The following SLC22A7 variants were observed in gnomAD, a reference collection of about 807,000 sequenced individuals.
SLC22A7 encodes the protein hOAT2.
In SLC22A7, 48 loss-of-function variants were observed where a neutral mutation model predicts 62.2. The ratio of observed to expected loss-of-function variants is 0.77; its 90% CI spans 0.61 to 0.98. The LOEUF (loss-of-function observed/expected upper bound fraction) is 0.98. Among genes scored for constraint, SLC22A7 ranks in the 50% least tolerant of loss-of-function variants. The pLI, the probability that SLC22A7 is intolerant of heterozygous loss-of-function variation, is 0.00. For missense variants in SLC22A7, 581 were observed against 703.8 expected (o/e 0.83, Z 1.97); for synonymous variants, 276 against 314.8 (o/e 0.88, Z 1.30).
intron 7 of SLC22A7, among the ~76,000 whole-genome samples, chr6:43,301,902 C>T (rs990205978): frequency 6.6e-6 from 1 of 152,162 alleles, no homozygotes; most frequent in Non-Finnish European, 1.5e-5. Context: ...ACTCCCACTT[C>T]CTTACTTGGA....
chr6:43,301,561 A>G, intron 6 of SLC22A7, 22 bp from the exon 7 acceptor site: 3 of 1,592,416 alleles, frequency 1.9e-6, no homozygotes, highest in Admixed American at 1.7e-5. Context: ...TGATGTTACA[A>G]CCTCACCTCC....
chr6:43,300,898 A>G (rs201070072), intron 5 of SLC22A7, among the ~76,000 whole-genome samples: 2 of 152,286 alleles, frequency 1.3e-5, no homozygotes, highest in East Asian at 3.9e-4. Flanking sequence ...TTGACCTCCA[A>G]AAGTGTTTGG....
intron 5 of SLC22A7, 31 bp downstream of exon 5, chr6:43,300,097 G>T (rs772798661): frequency 6.2e-7 from 1 of 1,608,528 alleles, no homozygotes; most frequent in South Asian, 1.1e-5. Flanking sequence ...GGGAGCGGGA[G>T]ATACAGGAAG....
At position 43,300,973 on chromosome 6, in the gene SLC22A7, A is replaced by G. The variant is rs112506882; in HGVS notation, c.828-162A>G. The stretch of plus-strand genomic sequence containing the variant: ...TTTTAAACTGGGCATTAAAAGATGA[A>G]TAAGAGCTCATCAAGTGTGGAGGGC... On this transcript the variant is annotated intron_variant, in intron 5 of 10. Transcript: ENST00000372585. Among the ~76,000 whole-genome samples, 827 of 152,340 alleles carry G rather than the reference A, an allele frequency of 5.4e-3. 4 individuals carry two copies. The highest frequency in any genetic ancestry group is 9.6e-3 in the Non-Finnish European group (655 of 68,030).
chr6:43,304,346 G>A (rs1011154746), intron 10 of SLC22A7, 102 bp downstream of exon 10: 2 of 1,038,676 alleles, frequency 1.9e-6, no homozygotes, highest in East Asian at 5.3e-5. Flanking sequence ...AACTATATCT[G>A]CACATGTGTA....
rs1778665131 is a variant in SLC22A7 at position 43,299,646 on chromosome 6, C to T, written c.523C>T (p.Leu175=). The change falls in exon 4 of 11, where the codon CTG becomes TTG. Residue 175 remains leucine (L), a synonymous_variant. Coordinates refer to ENST00000372585, the MANE Select transcript of SLC22A7 (RefSeq NM_153320.2). This position sits in a 1 kb window ranked among gnomAD's most constrained non-coding sequence, Gnocchi z 4.4. ...TTGCAGGTTTGGGCGGCGGCGTCTG[C>T]TGCTGGTAGCCTACGTGAGTACCCT... is the stretch of plus-strand genomic sequence containing the variant. ...LSDRFGRRRL[L]LVAYVSTLVL... is the part of the protein sequence containing the mutation. 2 of 1,614,200 alleles carry T rather than the reference C, an allele frequency of 1.2e-6. No individual in the cohort carries two copies. Among genetic ancestry groups the T allele is most frequent in the African/African-American group, 1.3e-5 (1 of 75,050 alleles).
Position 43,302,754 on chromosome 6 carries a change from C to T in SLC22A7, c.1376C>T (p.Thr459Met), listed in dbSNP as rs773944777. Residue 459 changes from threonine (T) to methionine (M), a missense_variant, in exon 9 of 11, where the codon ACG becomes ATG. Coordinates refer to ENST00000372585, the MANE Select transcript of SLC22A7 (RefSeq NM_153320.2). The surrounding 1 kb of genome is among the most constrained non-coding windows in gnomAD (Gnocchi z 5.0). Reference protein sequence around the residue: ...AYLFTSELYPTVLRQTGMGLT... With the variant: ...AYLFTSELYPMVLRQTGMGLT... ...CTGTTCACTTCAGAGTTGTACCCTA[C>T]GGTGCTCAGGTGAGGAAGCCTGCAA... The T allele has an allele frequency of 9.3e-6, 15 of 1,605,914 alleles. No homozygotes were observed. The highest frequency in any genetic ancestry group is 1.7e-5 in the Admixed American group (1 of 59,460).
intron 1 of SLC22A7, 112 bp from the exon 2 acceptor site, chr6:43,298,980 G>C: frequency 8.3e-7 from 1 of 1,209,272 alleles, no homozygotes; most frequent in Non-Finnish European, 1.2e-6. Context: ...ATTAAGGCAG[G>C]GAAGGGCTAA....
At chr6:43,301,369 C>A (rs1314307113) in intron 6 of SLC22A7, 111 bp downstream of exon 6, 2 of 1,484,992 alleles carry the variant, frequency 1.3e-6, no homozygotes, top group Non-Finnish European at 9.2e-7. Flanking sequence ...AGCCCCTGGG[C>A]CCCCACAGAG....
chr6:43,299,563 C>A lies in SLC22A7; in HGVS notation c.504-64C>A, dbSNP rs41275948. Reference sequence around the variant, plus strand: ...TTCTCCCACTAGCTGGGGTATGAGCCTAGTCTACCTATGCCTTAGAACCTC... The same window carrying A: ...TTCTCCCACTAGCTGGGGTATGAGCATAGTCTACCTATGCCTTAGAACCTC... On this transcript the variant is annotated intron_variant, in intron 3 of 10. Transcript: ENST00000372585. The surrounding 1 kb of genome is among the most constrained non-coding windows in gnomAD (Gnocchi z 4.4). 1.9e-3 allele frequency: 3,054 copies of A among 1,610,544 alleles called. 53 individuals are homozygous for A. In the African/African-American group the frequency reaches 0.035, roughly 18 times the overall value.
intron 6 of SLC22A7, 25 bp downstream of exon 6, chr6:43,301,283 A>G: frequency 6.2e-7 from 1 of 1,613,554 alleles, no homozygotes; most frequent in East Asian, 2.2e-5. Context: ...GTGTGTGAGC[A>G]TGCATATATG....
rs147410818 is a variant in SLC22A7, at chr6:43,298,532, C to T, written c.174C>T (p.Phe58=). The stretch of plus-strand genomic sequence containing the variant: ...CCCTGCCGGGTGCCCCTGCCAACTT[C>T]AGCCATCAGGATGTGTGGCTGGAGG... ...RCALPGAPAN[F]SHQDVWLEAH... The change falls in exon 1 of 11, where the codon TTC becomes TTT. Residue 58 remains phenylalanine, a synonymous_variant. Transcript: ENST00000372585. 1.5e-5 allele frequency: 25 copies of T among 1,613,674 alleles called. No individual in the cohort carries two copies. In the African/African-American group the frequency reaches 2.9e-4, roughly 19 times the overall value.
chr6:43,297,392 A>C (rs960838294), upstream of SLC22A7, among the ~76,000 whole-genome samples: 1 of 152,240 alleles, frequency 6.6e-6, no homozygotes, highest in South Asian at 2.1e-4. Flanking sequence ...TTGGAGAATC[A>C]GATGAGAATA....
rs773410390 is a variant in SLC22A7, at chr6:43,304,231, G to A, written c.1579G>A (p.Val527Met). Reference sequence around the variant, plus strand: ...ACAGCTGCCAGAGACCATCCAGGACGTGGAGAGAAAGAGGTGTGTGCACAG... The same window carrying A: ...ACAGCTGCCAGAGACCATCCAGGACATGGAGAGAAAGAGGTGTGTGCACAG... ...QAQLPETIQDVERKSAPTSLQ... is the reference protein window; with the variant it reads ...QAQLPETIQDMERKSAPTSLQ... The change falls in exon 10 of 11, where the codon GTG (valine) becomes ATG (methionine). Residue 527 changes from valine (V) to methionine (M), a missense_variant. By Grantham distance (21) the Val-to-Met change is conservative. Transcript: ENST00000372585. 2.8e-5 allele frequency: 44 copies of A among 1,564,470 alleles called. 1 individual carries two copies. The highest frequency in any genetic ancestry group is 1.2e-4 in the East Asian group (5 of 43,382).
At position 43,299,317 on chromosome 6, in the gene SLC22A7, G is replaced by A. The variant is rs1397464251; in HGVS notation, c.400-73G>A. ...TTCGCCTCAGAAGGCTCCAGGGTCT[G>A]GAGAGGAGGAGCTGGTGCCTGCTGG... On this transcript the variant is annotated intron_variant, in intron 2 of 10. Transcript: ENST00000372585. This position sits in a 1 kb window ranked among gnomAD's most constrained non-coding sequence, Gnocchi z 4.4. 20 of 1,608,252 alleles carry A rather than the reference G, an allele frequency of 1.2e-5. No individual in the cohort carries two copies. The highest frequency in any genetic ancestry group is 1.5e-5 in the Non-Finnish European group (18 of 1,177,056).
chr6:43,302,077 G>A lies in SLC22A7; in HGVS notation c.1062-123G>A, dbSNP rs1778771846. 3.5e-6 allele frequency: 3 copies of A among 850,698 alleles called. No homozygotes were observed. Among genetic ancestry groups the A allele is most frequent in the Non-Finnish European group, 5.5e-6 (3 of 542,652 alleles). 52.7% of individuals were successfully genotyped at this position (850,698 alleles called of 1,614,324 possible). ...TGGATGTCAGGGAAGGTCCTGGCGG[G>A]GGGACCGGGGGTTGCAGAGACAGAA... On this transcript the variant is annotated intron_variant, in intron 7 of 10. Coordinates refer to ENST00000372585, the MANE Select transcript of SLC22A7 (RefSeq NM_153320.2). The surrounding 1 kb of genome is among the most constrained non-coding windows in gnomAD (Gnocchi z 5.0).
chr6:43,301,737 G>A (rs199523330), intron 7 of SLC22A7, 45 bp downstream of exon 7: 9 of 1,399,740 alleles, frequency 6.4e-6, no homozygotes, highest in East Asian at 4.7e-5. Context: ...GTGGGAGGGA[G>A]GAGCAAACTC....
chr6:43,300,879 C>A (rs1259613753), intron 5 of SLC22A7, among the ~76,000 whole-genome samples: 2 of 152,204 alleles, frequency 1.3e-5, no homozygotes, highest in South Asian at 2.1e-4. Context: ...TCAAACCCAC[C>A]CTCCCGCCTT....
At chr6:43,301,841 G>A (rs1450188281) in intron 7 of SLC22A7, 149 bp downstream of exon 7, 1 of 624,156 alleles carries the variant, frequency 1.6e-6, no homozygotes, top group Non-Finnish European at 2.8e-6. Context: ...GATCTGCCTG[G>A]GGAAGTCAGA....
Sources: gnomAD v4.1 joint callset for allele counts (sites outside exome capture counted in the v4.1 genomes callset) on GRCh38, gnomAD v4.1.1 for gene constraint, Gnocchi (gnomAD v3.1) non-coding constraint, MANE v1.5 for transcripts, NCBI Gene and HGNC (gene_info 2026-07-23, HGNC 2026-07-21) for gene names.